The following TRAPPC11 variants were observed in gnomAD, a reference collection of about 807,000 sequenced individuals.
TRAPPC11 encodes foie gras homolog.
In TRAPPC11, 104 loss-of-function variants were observed where a neutral mutation model predicts 151.2. That is an observed-to-expected ratio of 0.69 (90% CI 0.59 to 0.81). The LOEUF is 0.81. TRAPPC11 is among the 30% of genes least tolerant of loss of function. The pLI is 0.00. For synonymous variants in TRAPPC11, 456 were observed against 472.3 expected (o/e 0.97, Z 0.45); for missense variants, 1,230 against 1,349.6 (o/e 0.91, Z 1.39).
At chr4:183,707,194 A>G (rs1737117171) in intron 28 of TRAPPC11, among the ~76,000 whole-genome samples, 1 of 151,932 alleles carries the variant, frequency 6.6e-6, no homozygotes, top group Non-Finnish European at 1.5e-5. Context: ...ATATTATAAT[A>G]TGTTATAATT....
At position 183,686,327 on chromosome 4, in the gene TRAPPC11, A is replaced by G. The variant is rs1378052463; in HGVS notation, c.1763-291A>G. Among the ~76,000 whole-genome samples, 13 of 145,476 alleles carry G rather than the reference A, an allele frequency of 8.9e-5. No individual in the cohort carries two copies. In the East Asian group the frequency reaches 1.0e-3, roughly 12 times the overall value. On this transcript the variant is annotated intron_variant, in intron 17 of 29. Coordinates refer to ENST00000334690, the MANE Select transcript of TRAPPC11 (RefSeq NM_021942.6). ...AATTTTTGTATTTTTAGTATAGATA[A>G]GGTTTCACCGTGTTGGCCAGGCTGG...
chr4:183,690,237 G>A (rs1736195692), intron 18 of TRAPPC11, among the ~76,000 whole-genome samples: 1 of 145,020 alleles, frequency 6.9e-6, no homozygotes, highest in South Asian at 2.3e-4. Context: ...AAAAAAAAAA[G>A]TAGAGTAGTT....
At position 183,668,120 on chromosome 4, in the gene TRAPPC11, A is replaced by G. The variant is rs2111307933; in HGVS notation, c.560+3A>G. On this transcript the variant is annotated splice_donor_region_variant and intron_variant, in intron 5 of 29. Coordinates refer to ENST00000334690, the MANE Select transcript of TRAPPC11 (RefSeq NM_021942.6). ...CACCTTGTGGGTTATATTATAAGGT[A>G]AGTAGAGGTCTTTTAAAGTTTTGTT... is the stretch of plus-strand genomic sequence containing the variant. 6.5e-7 allele frequency: 1 copy of G among 1,541,070 alleles called. No individual in the cohort carries two copies. The highest frequency in any genetic ancestry group is 1.2e-5 in the South Asian group (1 of 85,678).
At chr4:183,709,402 C>T (rs1466406698) in intron 29 of TRAPPC11, among the ~76,000 whole-genome samples, 1 of 152,096 alleles carries the variant, frequency 6.6e-6, no homozygotes, top group Admixed American at 6.6e-5. Flanking sequence ...TTTTATATTT[C>T]CAGACTTTTA....
At chr4:183,667,917 A>T in intron 4 of TRAPPC11, 86 bp from the exon 5 acceptor site, 2 of 981,860 alleles carry the variant, frequency 2.0e-6, no homozygotes, top group Non-Finnish European at 1.6e-6. Flanking sequence ...TCCTAATTCT[A>T]TTTTTTCAGA....
intron 5 of TRAPPC11, among the ~76,000 whole-genome samples, chr4:183,673,451 A>G (rs1167976749): frequency 6.6e-6 from 1 of 152,112 alleles, no homozygotes; most frequent in Non-Finnish European, 1.5e-5. Flanking sequence ...AGGCATTTGG[A>G]TCGTTTAAGT....
At chr4:183,690,693 TTGG>T (rs1736216438) in intron 18 of TRAPPC11, among the ~76,000 whole-genome samples, 1 of 152,036 alleles carries the variant, frequency 6.6e-6, no homozygotes, top group African/African-American at 2.4e-5. Context: ...GGGGCTGGGC[TTGG>T]TGGCTCACAC....
intron 1 of TRAPPC11, among the ~76,000 whole-genome samples, chr4:183,663,645 A>G (rs993067588): frequency 2.6e-5 from 4 of 151,474 alleles, no homozygotes; most frequent in Admixed American, 1.3e-4. Flanking sequence ...TTGGGATTGT[A>G]TGCGTGAGCC....
In TRAPPC11 at chr4:183,679,344, A is replaced by C; in HGVS notation, c.832-9A>C. The C allele has an allele frequency of 6.4e-7, 1 of 1,558,372 alleles. No homozygotes were observed. Among genetic ancestry groups the C allele is most frequent in the Non-Finnish European group, 8.6e-7 (1 of 1,156,262 alleles). ...TCCTTTATTTTGGGATCAATTTTAC[A>C]TTTTGCAGATCTGTAGGCTGTGTTT... is the stretch of plus-strand genomic sequence containing the variant. On this transcript the variant is annotated splice_polypyrimidine_tract_variant and intron_variant, in intron 8 of 29. Coordinates refer to ENST00000334690, the MANE Select transcript of TRAPPC11 (RefSeq NM_021942.6).
At position 183,672,951 on chromosome 4, in the gene TRAPPC11, C is replaced by T. The variant is rs528724597; in HGVS notation, c.561-1762C>T. Among the ~76,000 whole-genome samples the T allele has an allele frequency of 1.2e-4, 18 of 150,728 alleles. No individual in the cohort carries two copies. In the East Asian group the frequency reaches 2.3e-3, roughly 20 times the overall value. ...TTCTAGTCAGTGCCTTGTTGCTACC[C>T]GTTCGCAAATTTTTTTTTTTTTTTT... On this transcript the variant is annotated intron_variant, in intron 5 of 29. Coordinates refer to ENST00000334690, the MANE Select transcript of TRAPPC11 (RefSeq NM_021942.6).
At position 183,691,446 on chromosome 4, in the gene TRAPPC11, C is replaced by T. The variant is rs1238444471; in HGVS notation, c.2024C>T (p.Thr675Ile). ...CTGTTATTTAAGTTTGTTGCAAAAA[C>T]TGAAGATGTGGGAAAGAAAATTGAG... is the stretch of plus-strand genomic sequence containing the variant. The part of the protein sequence containing the change: ...RKLLFKFVAK[T>I]EDVGKKIEIT... Residue 675 changes from threonine to isoleucine, a missense_variant, in exon 19 of 30, where the codon ACT becomes ATT. Coordinates refer to ENST00000334690, the MANE Select transcript of TRAPPC11 (RefSeq NM_021942.6). 2.7e-6 allele frequency: 4 copies of T among 1,508,830 alleles called. No homozygotes were observed. The highest frequency in any genetic ancestry group is 3.6e-6 in the Non-Finnish European group (4 of 1,114,246). 93.5% of individuals were successfully genotyped at this position (1,508,830 alleles called of 1,614,324 possible).
At position 183,706,902 on chromosome 4, in the gene TRAPPC11, G is replaced by A. The variant is rs1252896838; in HGVS notation, c.3151G>A (p.Glu1051Lys). ...DLVQDVEISVEPSDAFMFSGL... is the reference protein window; with the variant it reads ...DLVQDVEISVKPSDAFMFSGL... ...AGTTCAAGATGTAGAAATTTCTGTG[G>A]AGCCCAGTGATGCCTTCATGTTCTC... Residue 1051 changes from glutamate to lysine, a missense_variant, in exon 28 of 30, where the codon GAG becomes AAG. By Grantham distance (56) the Glu-to-Lys change is moderately conservative. Transcript: ENST00000334690. The A allele has an allele frequency of 6.2e-7, 1 of 1,614,110 alleles. No homozygotes were observed. The highest frequency in any genetic ancestry group is 1.3e-5 in the African/African-American group (1 of 75,026).
chr4:183,685,721 C>T (rs1464876636), intron 17 of TRAPPC11, among the ~76,000 whole-genome samples: 2 of 152,042 alleles, frequency 1.3e-5, no homozygotes, highest in Non-Finnish European at 2.9e-5. Context: ...GGTTCTTTTT[C>T]ATTTAAAATC....
chr4:183,693,003 G>A lies in TRAPPC11; in HGVS notation c.2093G>A (p.Cys698Tyr), dbSNP rs773726834. 25 of 1,613,594 alleles carry A rather than the reference G, an allele frequency of 1.5e-5. No homozygotes were observed. The highest frequency in any genetic ancestry group is 1.9e-5 in the Non-Finnish European group (23 of 1,179,822). The change falls in exon 20 of 30, where the codon TGT becomes TAT. Residue 698 changes from cysteine to tyrosine, a missense_variant. By Grantham distance (194) the Cys-to-Tyr change is radical (BLOSUM62 -2). Coordinates refer to ENST00000334690, the MANE Select transcript of TRAPPC11 (RefSeq NM_021942.6). Reference sequence around the variant, plus strand: ...GCTCTGGGCAATGAGACGGGAAGATGTGTGGTTTTAAATTGGCAGGGAGGA... The same window carrying A: ...GCTCTGGGCAATGAGACGGGAAGATATGTGGTTTTAAATTGGCAGGGAGGA... ...DLALGNETGRCVVLNWQGGGG... is the reference protein window; with the variant it reads ...DLALGNETGRYVVLNWQGGGG...
At chr4:183,694,573 T>C (rs1439572243) in intron 22 of TRAPPC11, 31 bp from the exon 23 acceptor site, 1 of 1,589,380 alleles carries the variant, frequency 6.3e-7, no homozygotes, top group East Asian at 2.3e-5. Flanking sequence ...TCTGTAATAC[T>C]AATTAAATTA....
chr4:183,684,879 A>C, intron 15 of TRAPPC11, 38 bp downstream of exon 15: 1 of 1,576,220 alleles, frequency 6.3e-7, no homozygotes, highest in Non-Finnish European at 8.7e-7. Context: ...CTTGATACAT[A>C]AAATTATTTA....
At chr4:183,704,767 C>T (rs968872304) in intron 26 of TRAPPC11, among the ~76,000 whole-genome samples, 4 of 151,928 alleles carry the variant, frequency 2.6e-5, no homozygotes, top group Admixed American at 1.3e-4. Context: ...GAGCCGAGAT[C>T]GCGCCACTGC....
At chr4:183,700,992 TGCAC>T (rs1431193294) in intron 25 of TRAPPC11, 1 of 152,108 alleles carries the variant, frequency 6.6e-6, no homozygotes, top group Non-Finnish European at 1.5e-5. Flanking sequence ...GGACCACAGG[TGCAC>T]GCCACCACAC....
intron 4 of TRAPPC11, 99 bp downstream of exon 4, chr4:183,667,229 A>C: frequency 1.1e-6 from 1 of 869,914 alleles, no homozygotes; most frequent in Admixed American, 1.9e-5. Context: ...TTATGCATTC[A>C]GTTATGGGGC....
Sources: allele counts gnomAD v4.1 joint callset (sites outside exome capture counted in the v4.1 genomes callset), GRCh38; gene constraint gnomAD v4.1.1; transcripts MANE v1.5; gene names NCBI Gene and HGNC (gene_info 2026-07-23, HGNC 2026-07-21).